The following ADAMTS3 variants were observed in gnomAD, a reference collection of about 807,000 sequenced individuals.
The protein encoded by ADAMTS3 is ADAM metallopeptidase with thrombospondin type 1 motif 3.
Under a neutral mutation model 129.0 loss-of-function variants are expected in ADAMTS3, and 73 were observed. That is an observed-to-expected ratio of 0.57 (90% confidence interval 0.47 to 0.69). The LOEUF is 0.69. Among genes scored for constraint, ADAMTS3 ranks in the 30% least tolerant of loss-of-function variants. The pLI, the probability that ADAMTS3 is intolerant of heterozygous loss-of-function variation, is 0.00. For synonymous variants in ADAMTS3, 477 were observed against 510.8 expected (o/e 0.93, Z 0.89); for missense variants, 1,457 against 1,514.5 (o/e 0.96, Z 0.63).
chr4:72,555,209 A>T (rs1157829659), intron 2 of ADAMTS3, among the ~76,000 whole-genome samples: 1 of 151,816 alleles, frequency 6.6e-6, no homozygotes, highest in Non-Finnish European at 1.5e-5. Flanking sequence ...GAGATTAAGT[A>T]ACTTAACCCA....
chr4:72,486,513 G>A (rs561721682), intron 3 of ADAMTS3, among the ~76,000 whole-genome samples: 17 of 152,312 alleles, frequency 1.1e-4, no homozygotes, highest in African/African-American at 4.1e-4. Flanking sequence ...TCTGAAGCAA[G>A]AGCCCTCCGT....
intron 3 of ADAMTS3, among the ~76,000 whole-genome samples, chr4:72,484,796 A>G (rs1719535574): frequency 6.6e-6 from 1 of 152,238 alleles, no homozygotes; most frequent in Admixed American, 6.5e-5. Context: ...ATACTCAGGT[A>G]ACAAGGAAAA....
intron 5 of ADAMTS3, among the ~76,000 whole-genome samples, chr4:72,337,267 T>C (rs1025235458): frequency 3.3e-5 from 5 of 151,614 alleles, no homozygotes; most frequent in African/African-American, 1.2e-4. Flanking sequence ...AGAGTCATAG[T>C]CTATTATCTA....
chr4:72,520,168 C>T (rs1720622052), intron 3 of ADAMTS3, among the ~76,000 whole-genome samples: 1 of 151,946 alleles, frequency 6.6e-6, no homozygotes, highest in South Asian at 2.1e-4. Flanking sequence ...TCGTGAACCA[C>T]AAATGCTGCT....
At chr4:72,384,822 T>C (rs1475615414) in intron 4 of ADAMTS3, among the ~76,000 whole-genome samples, 1 of 152,062 alleles carries the variant, frequency 6.6e-6, no homozygotes, top group Admixed American at 6.6e-5. Flanking sequence ...GCAAAAAATA[T>C]ATGGTGGGAT....
intron 3 of ADAMTS3, among the ~76,000 whole-genome samples, chr4:72,527,812 A>G (rs1720854005): frequency 6.6e-6 from 1 of 152,196 alleles, no homozygotes; most frequent in African/African-American, 2.4e-5. Context: ...AGAGGAAGGA[A>G]GGACAGGGAT....
In ADAMTS3 at chr4:72,312,312, A is replaced by G. The variant is rs769735839; in HGVS notation, c.1900T>C (p.Leu634=). Residue 634 remains leucine, a synonymous_variant, in exon 13 of 22, where the codon TTG becomes CTG. Transcript: ENST00000286657. ...TCACGGTCAGGATGTTCATATGGCA[A>G]CCAGTGGTGTTTGGTATTCTGGTAT... ...FEYQNTKHHW[L]PYEHPDPKKR... 7 of 1,613,650 alleles carry G rather than the reference A, an allele frequency of 4.3e-6. No homozygotes were observed. Among genetic ancestry groups the G allele is most frequent in the Non-Finnish European group, 5.1e-6 (6 of 1,179,670 alleles).
intron 3 of ADAMTS3, among the ~76,000 whole-genome samples, chr4:72,500,790 T>C (rs1037601825): frequency 1.3e-5 from 2 of 152,170 alleles, no homozygotes; most frequent in African/African-American, 4.8e-5. Context: ...TTAATTTTTA[T>C]ATAAAGTGAA....
At chr4:72,425,874 G>A (rs1722560543) in intron 3 of ADAMTS3, among the ~76,000 whole-genome samples, 1 of 151,622 alleles carries the variant, frequency 6.6e-6, no homozygotes, top group African/African-American at 2.4e-5. Flanking sequence ...GGGTCAAATG[G>A]TATTTCTAGT....
intron 3 of ADAMTS3, among the ~76,000 whole-genome samples, chr4:72,498,869 C>T (rs993724667): frequency 7.2e-5 from 11 of 152,074 alleles, no homozygotes; most frequent in Non-Finnish European, 4.4e-5. Context: ...TGTTCCAATA[C>T]TTCAAGTCCA....
intron 4 of ADAMTS3, among the ~76,000 whole-genome samples, chr4:72,389,531 A>AC (rs1021579958): frequency 2.1e-4 from 28 of 135,084 alleles, no homozygotes; most frequent in African/African-American, 6.4e-4. Flanking sequence ...GAAAAAAACA[A>AC]AAAAAAAAAA....
At chr4:72,304,533 T>G (rs1391305002) in intron 16 of ADAMTS3, among the ~76,000 whole-genome samples, 1 of 152,102 alleles carries the variant, frequency 6.6e-6, no homozygotes, top group East Asian at 1.9e-4. Context: ...ATATTTATAG[T>G]CATCCAACAT....
intron 4 of ADAMTS3, among the ~76,000 whole-genome samples, chr4:72,359,555 A>G (rs1720666186): frequency 6.6e-6 from 1 of 152,042 alleles, no homozygotes; most frequent in Non-Finnish European, 1.5e-5. Context: ...TGAAATATAA[A>G]TGGCTAAATA....
chr4:72,305,789 G>A (rs545684810), intron 16 of ADAMTS3, among the ~76,000 whole-genome samples, 198 bp downstream of exon 16: 4 of 151,316 alleles, frequency 2.6e-5, no homozygotes, highest in African/African-American at 7.3e-5. Context: ...GCACATGTAC[G>A]CACATATACG....
intron 4 of ADAMTS3, among the ~76,000 whole-genome samples, chr4:72,347,071 T>C (rs78289879): frequency 0.01 from 1,598 of 152,206 alleles, 39 homozygotes; most frequent in African/African-American, 0.036. Flanking sequence ...TGGAGGAATA[T>C]AACAATGTAG....
intron 3 of ADAMTS3, among the ~76,000 whole-genome samples, chr4:72,428,976 A>G (rs1326008074): frequency 2.0e-5 from 3 of 152,086 alleles, no homozygotes; most frequent in African/African-American, 7.2e-5. Flanking sequence ...TTAGTGTGCC[A>G]AAGAATTTAG....
At chr4:72,467,926 A>G (rs1718964023) in intron 3 of ADAMTS3, among the ~76,000 whole-genome samples, 1 of 152,092 alleles carries the variant, frequency 6.6e-6, no homozygotes, top group Non-Finnish European at 1.5e-5. Flanking sequence ...TAGAGCAGTC[A>G]ACTAATGTTC....
At chr4:72,434,742 G>T (rs1368381980) in intron 3 of ADAMTS3, among the ~76,000 whole-genome samples, 11 of 151,866 alleles carry the variant, frequency 7.2e-5, no homozygotes, top group African/African-American at 2.7e-4. Context: ...GAAAGGGAGA[G>T]TATCCTGTGT....
intron 3 of ADAMTS3, among the ~76,000 whole-genome samples, chr4:72,470,209 C>G (rs1024956416): frequency 2.0e-5 from 3 of 151,896 alleles, no homozygotes; most frequent in Non-Finnish European, 4.4e-5. Flanking sequence ...GATTCTAGCC[C>G]TTTCAGCAAC....
Sources: gnomAD v4.1 joint callset for allele counts (sites outside exome capture counted in the v4.1 genomes callset) on GRCh38, gnomAD v4.1.1 for gene constraint, MANE v1.5 for transcripts, NCBI Gene and HGNC (gene_info 2026-07-23, HGNC 2026-07-21) for gene names.